The following TMEM106B variants were observed in gnomAD, a reference collection of about 807,000 sequenced individuals.
The protein encoded by TMEM106B is transmembrane protein 106B.
Under a neutral mutation model 31.1 loss-of-function variants are expected in TMEM106B, and 15 were observed. The observed-to-expected ratio is 0.48, with a 90% CI of 0.32 to 0.74. The LOEUF is 0.74. Among genes scored for constraint, TMEM106B ranks in the 30% least tolerant of loss-of-function variants. TMEM106B has a pLI of 0.03. For missense variants in TMEM106B, 283 were observed against 327.3 expected (o/e 0.86, Z 1.04); for synonymous variants, 126 against 112.5 (o/e 1.12, Z -0.76).
Position 12,235,658 on chromosome 7 carries a change from T to G in TMEM106B, c.*3683T>G, listed in dbSNP as rs1011633379. On this transcript the variant is annotated 3_prime_UTR_variant, in exon 8 of 8. Transcript: ENST00000396668. Reference sequence around the variant, plus strand: ...TTCTTGGAGGGCATGTGCCCAACTCTCCCGCACCCCATTTTGTTTGTCTTT... The same window carrying G: ...TTCTTGGAGGGCATGTGCCCAACTCGCCCGCACCCCATTTTGTTTGTCTTT... 4 of 151,994 alleles carry G rather than the reference T, an allele frequency of 2.6e-5. No homozygotes were observed. The highest frequency in any genetic ancestry group is 4.4e-5 in the Non-Finnish European group (3 of 67,834). 9.4% of individuals were successfully genotyped at this position (151,994 alleles called of 1,614,324 possible). A position where few individuals can be genotyped will look rare whatever the true frequency, so the allele number is the denominator to read the frequency against.
chr7:12,224,974 C>A (rs1027303901), intron 4 of TMEM106B, among the ~76,000 whole-genome samples: 2 of 151,928 alleles, frequency 1.3e-5, no homozygotes, highest in African/African-American at 2.4e-5. Flanking sequence ...CCCATTAACT[C>A]ATCATTTACT....
At chr7:12,226,434 T>A (rs933052379) in intron 4 of TMEM106B, among the ~76,000 whole-genome samples, 1 of 152,224 alleles carries the variant, frequency 6.6e-6, no homozygotes, top group Non-Finnish European at 1.5e-5. Context: ...TTTTACATGT[T>A]AACGTTTGTT....
intron 6 of TMEM106B, 40 bp from the exon 7 acceptor site, chr7:12,231,022 T>C (rs368269532): frequency 2.5e-5 from 34 of 1,384,548 alleles, no homozygotes; most frequent in Admixed American, 6.1e-5. Flanking sequence ...ATTTATAATG[T>C]AGTAACTTGC....
intron 3 of TMEM106B, among the ~76,000 whole-genome samples, chr7:12,219,216 G>A (rs550752308): frequency 6.6e-6 from 1 of 152,114 alleles, no homozygotes; most frequent in African/African-American, 2.4e-5. Context: ...AATGTTTACA[G>A]GACAGGAGTT....
At chr7:12,212,629 GTATT>G (rs954941643) in intron 1 of TMEM106B, among the ~76,000 whole-genome samples, 4 of 151,668 alleles carry the variant, frequency 2.6e-5, no homozygotes, top group African/African-American at 7.3e-5. Context: ...TTTTATCTTT[GTATT>G]TATTTTGTGT....
intron 4 of TMEM106B, among the ~76,000 whole-genome samples, chr7:12,224,964 C>T (rs958922756): frequency 1.3e-5 from 2 of 151,972 alleles, no homozygotes; most frequent in Non-Finnish European, 2.9e-5. Flanking sequence ...GTGTGCTGCA[C>T]CCATTAACTC....
chr7:12,213,938 C>T (rs143777145), intron 1 of TMEM106B, among the ~76,000 whole-genome samples: 1 of 152,214 alleles, frequency 6.6e-6, no homozygotes, highest in Non-Finnish European at 1.5e-5. Flanking sequence ...GAACATGCCC[C>T]GTTGTACCTT....
In TMEM106B at chr7:12,229,796, A is replaced by G. The variant is rs377719816; in HGVS notation, c.559A>G (p.Ile187Val). The change falls in exon 5 of 8, where the codon ATT (isoleucine) becomes GTT (valine). Residue 187 changes from isoleucine to valine, a missense_variant. Physicochemically the swap from Ile to Val is conservative, Grantham distance 29. Around this residue, in one of 3 missense-constraint regions of TMEM106B, gnomAD observed 201 missense variants for 211.5 expected, o/e 0.95. Transcript: ENST00000396668. ...GGCACGCTTAAACAACATAACCATT[A>G]TTGGTCCACTTGATATGAAACAAGT... The part of the protein sequence containing the change: ...GKARLNNITI[I>V]GPLDMKQIDY... 23 of 1,606,280 alleles carry G rather than the reference A, an allele frequency of 1.4e-5. No homozygotes were observed. The highest frequency in any genetic ancestry group is 3.5e-5 in the Admixed American group (2 of 57,708).
chr7:12,217,457 G>C (rs1781709733), intron 2 of TMEM106B, among the ~76,000 whole-genome samples: 1 of 152,182 alleles, frequency 6.6e-6, no homozygotes, highest in South Asian at 2.1e-4. Context: ...TATGATTGTT[G>C]ACATCATTAA....
rs1293685655 is a variant in TMEM106B at position 12,237,468 on chromosome 7, A to G, written c.*5493A>G. The G allele has an allele frequency of 6.6e-6, 1 of 152,098 alleles. No homozygotes were observed. Among genetic ancestry groups the G allele is most frequent in the Non-Finnish European group, 1.5e-5 (1 of 68,030 alleles). The allele number at this position is 152,098 out of a possible 1,614,324, so 9.4% of individuals were successfully genotyped here. The stretch of plus-strand genomic sequence containing the variant: ...TACCTCTGTAATGTCTCTGGAATTT[A>G]TCTCATACGTGAAATTTCCCTTGAT... On this transcript the variant is annotated 3_prime_UTR_variant, in exon 8 of 8. Coordinates refer to ENST00000396668, the MANE Select transcript of TMEM106B (RefSeq NM_001134232.2).
chr7:12,228,867 AG>A (rs1484907772), intron 4 of TMEM106B, among the ~76,000 whole-genome samples: 1 of 152,046 alleles, frequency 6.6e-6, no homozygotes, highest in African/African-American at 2.4e-5. Context: ...AATGAATTTG[AG>A]CATTGTAAAA....
At chr7:12,224,458 TGAGAA>T (rs1296113520) in intron 4 of TMEM106B, 73 bp downstream of exon 4, 2 of 1,265,688 alleles carry the variant, frequency 1.6e-6, no homozygotes, top group African/African-American at 3.0e-5. Flanking sequence ...TTGTCCCCAT[TGAGAA>T]GAGATGTTTG....
At chr7:12,217,864 A>C (rs138030499) in intron 2 of TMEM106B, among the ~76,000 whole-genome samples, 1 of 152,284 alleles carries the variant, frequency 6.6e-6, no homozygotes, top group Non-Finnish European at 1.5e-5. Flanking sequence ...TTTATCCTTT[A>C]AACTTATGGA....
chr7:12,214,719 G>C (rs990386395), intron 1 of TMEM106B, 90 bp from the exon 2 acceptor site: 17 of 1,107,156 alleles, frequency 1.5e-5, no homozygotes, highest in African/African-American at 6.3e-5. Flanking sequence ...TTCCTTGACT[G>C]TTCTAAATTA....
chr7:12,230,467 T>C, intron 6 of TMEM106B, 29 bp downstream of exon 6: 1 of 1,398,014 alleles, frequency 7.2e-7, no homozygotes, highest in Admixed American at 1.9e-5. Context: ...TAACTTTTTA[T>C]TGTCAAATAA....
In TMEM106B at chr7:12,239,732, G is replaced by C. The variant is rs552236306; in HGVS notation, c.*7757G>C. Reference sequence around the variant, plus strand: ...GAACAGCTGGTTAGGAGAGCAGTCCGAACACACACTTTTTTTTATTACTTT... The same window carrying C: ...GAACAGCTGGTTAGGAGAGCAGTCCCAACACACACTTTTTTTTATTACTTT... On this transcript the variant is annotated 3_prime_UTR_variant, in exon 8 of 8. Coordinates refer to ENST00000396668, the MANE Select transcript of TMEM106B (RefSeq NM_001134232.2). 1 of 152,052 alleles carries C rather than the reference G, an allele frequency of 6.6e-6. No individual in the cohort carries two copies. Among genetic ancestry groups the C allele is most frequent in the Non-Finnish European group, 1.5e-5 (1 of 67,994 alleles). 9.4% of individuals were successfully genotyped at this position (152,052 alleles called of 1,614,324 possible).
chr7:12,223,678 T>C (rs76130803), intron 3 of TMEM106B, among the ~76,000 whole-genome samples: 2,782 of 151,990 alleles, frequency 0.018, 73 homozygotes, highest in African/African-American at 0.064. Context: ...GTAAATGTTC[T>C]ATTGTTTTTA....
chr7:12,241,004 A>C lies in TMEM106B; in HGVS notation c.*9029A>C, dbSNP rs1475892823. ...AATTTATATTTTCTAAATAGCACTG[A>C]AAATGACAATAGACAAATGTAATTT... On this transcript the variant is annotated 3_prime_UTR_variant, in exon 8 of 8. Coordinates refer to ENST00000396668, the MANE Select transcript of TMEM106B (RefSeq NM_001134232.2). 2 of 152,234 alleles carry C rather than the reference A, an allele frequency of 1.3e-5. No homozygotes were observed. Among genetic ancestry groups the C allele is most frequent in the Non-Finnish European group, 2.9e-5 (2 of 68,042 alleles). The allele number at this position is 152,234 out of a possible 1,614,324, so 9.4% of individuals were successfully genotyped here. A position where few individuals can be genotyped will look rare whatever the true frequency, so the allele number is the denominator to read the frequency against.
At position 12,234,703 on chromosome 7, in the gene TMEM106B, C is replaced by CT. The variant is rs2128528771; in HGVS notation, c.*2731dup. The CT allele has an allele frequency of 1.3e-5, 2 of 152,020 alleles. No homozygotes were observed. Among genetic ancestry groups the CT allele is most frequent in the African/African-American group, 4.8e-5 (2 of 41,540 alleles). 9.4% of individuals were successfully genotyped at this position (152,020 alleles called of 1,614,324 possible). A position where few individuals can be genotyped will look rare whatever the true frequency, so the allele number is the denominator to read the frequency against. The stretch of plus-strand genomic sequence containing the variant: ...ATTTTTCTGATACTTCCTGGAATAA[C>CT]TTTAAGTTACACCCTAGTAGACTGG... On this transcript the variant is annotated 3_prime_UTR_variant, in exon 8 of 8. Transcript: ENST00000396668.
Sources: allele counts gnomAD v4.1 joint callset (sites outside exome capture counted in the v4.1 genomes callset), GRCh38; gene constraint gnomAD v4.1.1; regional missense constraint gnomAD v4.1.1; transcripts MANE v1.5; gene names NCBI Gene and HGNC (gene_info 2026-07-23, HGNC 2026-07-21).